The following OGFOD3 variants were observed in gnomAD, a reference collection of about 807,000 sequenced individuals.
The protein encoded by OGFOD3 is 2-oxoglutarate and iron-dependent oxygenase domain-containing protein 3.
A neutral mutation model predicts 39.8 loss-of-function variants in OGFOD3; 35 were observed. The ratio of observed to expected loss-of-function variants is 0.88; its 90% CI spans 0.67 to 1.17. The LOEUF is 1.17. OGFOD3 is among the 50% of genes most tolerant of loss of function. The pLI, the probability that OGFOD3 is intolerant of heterozygous loss-of-function variation, is 0.00. For missense variants in OGFOD3, 438 were observed against 454.5 expected (o/e 0.96, Z 0.33); for synonymous variants, 200 against 192.0 (o/e 1.04, Z -0.34).
Position 82,398,312 on chromosome 17 carries a change from T to C in OGFOD3, c.707A>G (p.Tyr236Cys), listed in dbSNP as rs981113452. Residue 236 changes from tyrosine to cysteine, a missense_variant, in exon 8 of 9, where the codon TAC becomes TGC. Tyr to Cys is a radical substitution (Grantham distance 194). Coordinates refer to ENST00000313056, the MANE Select transcript of OGFOD3 (RefSeq NM_024648.3). ...CAGCGAGGTGTAGTCGAAGGAGCCGTAGGTCACCTGAGGGCAGAGCCGGGA... is the reference window on the plus strand; with the variant it reads ...CAGCGAGGTGTAGTCGAAGGAGCCGCAGGTCACCTGAGGGCAGAGCCGGGA... ...YWHAHVDKVT[Y>C]GSFDYTSLLY... 6.2e-7 allele frequency: 1 copy of C among 1,613,842 alleles called. No homozygotes were observed. The highest frequency in any genetic ancestry group is 1.3e-5 in the African/African-American group (1 of 74,880).
In OGFOD3 at chr17:82,404,047, C is replaced by CA. The variant is rs554759882; in HGVS notation, c.588dup (p.Gly197TrpfsTer160). 7 of 1,609,268 alleles carry CA rather than the reference C, an allele frequency of 4.3e-6. No individual in the cohort carries two copies. The highest frequency in any genetic ancestry group is 5.9e-6 in the Non-Finnish European group (7 of 1,177,976). ...AGATGCAGCGAGGATGCGCTGATGC[C>CA]AAAAGCCTCAGCAATGGTGAGCTGG... is the stretch of plus-strand genomic sequence containing the variant. On this transcript the variant is annotated frameshift_variant, in exon 7 of 9. Transcript: ENST00000313056. LOFTEE classifies it high-confidence loss of function. The surrounding 1 kb of genome is among the most constrained non-coding windows in gnomAD (Gnocchi z 4.5).
Position 82,406,309 on chromosome 17 carries a change from G to T in OGFOD3, c.488+109C>A. On this transcript the variant is annotated intron_variant, in intron 5 of 8. Transcript: ENST00000313056. This position sits in a 1 kb window ranked among gnomAD's most constrained non-coding sequence, Gnocchi z 5.2. ...CACTGAGGCCCTGAGGCTGCACCGA[G>T]CCGGATCCTCCCTCACATGTCCACG... 2.9e-6 allele frequency: 3 copies of T among 1,025,014 alleles called. No individual in the cohort carries two copies. Among genetic ancestry groups the T allele is most frequent in the Non-Finnish European group, 3.0e-6 (2 of 662,510 alleles). The allele number at this position is 1,025,014 out of a possible 1,614,324, so 63.5% of individuals were successfully genotyped here.
Position 82,415,299 on chromosome 17 carries a change from C to G in OGFOD3, c.304+99G>C, listed in dbSNP as rs2053013490. The stretch of plus-strand genomic sequence containing the variant: ...GAGGGGAGAGGTTGTCTGCTACCCC[C>G]AAGCATACCACATCCAACCCAATTC... On this transcript the variant is annotated intron_variant, in intron 2 of 8. Transcript: ENST00000313056. This position sits in a 1 kb window ranked among gnomAD's most constrained non-coding sequence, Gnocchi z 5.3. 4 of 1,229,490 alleles carry G rather than the reference C, an allele frequency of 3.3e-6. No individual in the cohort carries two copies. Among genetic ancestry groups the G allele is most frequent in the Non-Finnish European group, 4.7e-6 (4 of 854,820 alleles). The allele number at this position is 1,229,490 out of a possible 1,614,324, so 76.2% of individuals were successfully genotyped here. A position where few individuals can be genotyped will look rare whatever the true frequency, so the allele number is the denominator to read the frequency against.
intron 2 of OGFOD3, among the ~76,000 whole-genome samples, chr17:82,414,392 C>T (rs1167922196): frequency 2.0e-5 from 3 of 152,222 alleles, no homozygotes; most frequent in Non-Finnish European, 4.4e-5. Context: ...CCTGCCTGGG[C>T]CTCCCAAAGT....
rs751241169 is a variant in OGFOD3, at chr17:82,398,225, C to T, written c.794G>A (p.Gly265Asp). The change falls in exon 8 of 9, where the codon GGT (glycine) becomes GAT (aspartate). Residue 265 changes from glycine (G) to aspartate (D), a missense_variant. Coordinates refer to ENST00000313056, the MANE Select transcript of OGFOD3 (RefSeq NM_024648.3). ...TCTCGGCTCCACCGTCTTGTTGGCA[C>T]CCTCCTCCATGAACATGAACCGCCC... is the stretch of plus-strand genomic sequence containing the variant. ...GGGRFMFMEE[G>D]ANKTVEPRAG... 2 of 1,614,008 alleles carry T rather than the reference C, an allele frequency of 1.2e-6. No homozygotes were observed. The highest frequency in any genetic ancestry group is 1.3e-5 in the African/African-American group (1 of 74,918).
At chr17:82,417,576 G>A (rs1356876142) in intron 1 of OGFOD3, among the ~76,000 whole-genome samples, 3 of 142,508 alleles carry the variant, frequency 2.1e-5, no homozygotes, top group African/African-American at 5.3e-5. Context: ...CCGAGATTGC[G>A]CCACTGCACT....
At chr17:82,395,608 T>G (rs564110169) in intron 8 of OGFOD3, among the ~76,000 whole-genome samples, 2 of 151,942 alleles carry the variant, frequency 1.3e-5, no homozygotes, top group African/African-American at 4.8e-5. Context: ...GATCACGAGG[T>G]CAGGAGATTG....
chr17:82,390,071 C>A lies in OGFOD3; in HGVS notation c.*2327G>T, dbSNP rs1315436573. On this transcript the variant is annotated 3_prime_UTR_variant, in exon 9 of 9. Coordinates refer to ENST00000313056, the MANE Select transcript of OGFOD3 (RefSeq NM_024648.3). This position sits in a 1 kb window ranked among gnomAD's most constrained non-coding sequence, Gnocchi z 4.9. ...CTTTTGCCCAAATATATTTCTTTGT[C>A]CAAGTATCTCTGTGATTATCATGAA... is the stretch of plus-strand genomic sequence containing the variant. 7 of 152,044 alleles carry A rather than the reference C, an allele frequency of 4.6e-5. No individual in the cohort carries two copies. The highest frequency in any genetic ancestry group is 7.4e-5 in the Non-Finnish European group (5 of 68,004). 9.4% of individuals were successfully genotyped at this position (152,044 alleles called of 1,614,324 possible).
At chr17:82,393,939 A>C (rs1381480593) in intron 8 of OGFOD3, 1 of 152,016 alleles carries the variant, frequency 6.6e-6, no homozygotes, top group Non-Finnish European at 1.5e-5. Flanking sequence ...CACCATCCAC[A>C]CTACTGAAGG....
intron 7 of OGFOD3, among the ~76,000 whole-genome samples, chr17:82,401,803 C>CAAAAAAAAAAAAAAAAAACA (rs2052768672): frequency 6.5e-5 from 4 of 61,724 alleles, no homozygotes; most frequent in African/African-American, 3.3e-4. Context: ...GACTCCATCT[C>CAAAAAAAAAAAAAAAAAACA]AAAAAAAAAA....
rs1309120412 is a variant in OGFOD3, at chr17:82,415,619, T to C, written c.83A>G (p.Lys28Arg). 1.9e-6 allele frequency: 3 copies of C among 1,610,600 alleles called. No individual in the cohort carries two copies. The highest frequency in any genetic ancestry group is 2.5e-6 in the Non-Finnish European group (3 of 1,178,048). The change falls in exon 2 of 9, where the codon AAG becomes AGG. Residue 28 changes from lysine (K) to arginine (R), a missense_variant. Transcript: ENST00000313056. This position sits in a 1 kb window ranked among gnomAD's most constrained non-coding sequence, Gnocchi z 5.3. The part of the protein sequence containing the change: ...AERRNRSSTK[K>R]DRAPREVQRL... ...CTGCACCTCCCGCGGGGCTCGGTCCTTCTTGGTGCTGAGAACAGAAAACAG... is the reference window on the plus strand; with the variant it reads ...CTGCACCTCCCGCGGGGCTCGGTCCCTCTTGGTGCTGAGAACAGAAAACAG...
At position 82,404,241 on chromosome 17, in the gene OGFOD3, G is replaced by A; in HGVS notation, c.546-151C>T. On this transcript the variant is annotated intron_variant, in intron 6 of 8. Coordinates refer to ENST00000313056, the MANE Select transcript of OGFOD3 (RefSeq NM_024648.3). This position sits in a 1 kb window ranked among gnomAD's most constrained non-coding sequence, Gnocchi z 4.5. Reference sequence around the variant, plus strand: ...CCAAGCACACCGGGAACAGATACCGGCTCCGCCTGGGAACGACGCGGCCCA... The same window carrying A: ...CCAAGCACACCGGGAACAGATACCGACTCCGCCTGGGAACGACGCGGCCCA... The A allele has an allele frequency of 2.3e-6, 2 of 885,236 alleles. No individual in the cohort carries two copies. Among genetic ancestry groups the A allele is most frequent in the Non-Finnish European group, 3.3e-6 (2 of 599,182 alleles). The allele number at this position is 885,236 out of a possible 1,614,324, so 54.8% of individuals were successfully genotyped here. A position where few individuals can be genotyped will look rare whatever the true frequency, so the allele number is the denominator to read the frequency against.
intron 7 of OGFOD3, among the ~76,000 whole-genome samples, chr17:82,401,548 A>G (rs1464701883): frequency 6.6e-6 from 1 of 151,874 alleles, no homozygotes; most frequent in Non-Finnish European, 1.5e-5. Context: ...CTGAAACTGC[A>G]CAGAGTGCAC....
chr17:82,395,533 G>A (rs2052657656), intron 8 of OGFOD3, among the ~76,000 whole-genome samples: 1 of 152,118 alleles, frequency 6.6e-6, no homozygotes, highest in African/African-American at 2.4e-5. Flanking sequence ...GGTAAGAACT[G>A]CGACACGGCC....
intron 4 of OGFOD3, among the ~76,000 whole-genome samples, chr17:82,408,243 CAA>C (rs1382795913): frequency 5.9e-5 from 9 of 152,208 alleles, no homozygotes; most frequent in South Asian, 2.1e-4. Flanking sequence ...TTGAAATTCT[CAA>C]AGAGTCTATA....
chr17:82,408,335 A>G lies in OGFOD3; in HGVS notation c.423+1033T>C. On this transcript the variant is annotated intron_variant, in intron 4 of 8. Coordinates refer to ENST00000313056, the MANE Select transcript of OGFOD3 (RefSeq NM_024648.3). Reference sequence around the variant, plus strand: ...TTATAATTCAAAGCGATCACCAAATAAACAGAGAGAAACAGATCTTCAGAC... The same window carrying G: ...TTATAATTCAAAGCGATCACCAAATGAACAGAGAGAAACAGATCTTCAGAC... Among the ~76,000 whole-genome samples the G allele has an allele frequency of 2.6e-5, 4 of 152,344 alleles. 1 individual carries two copies. In the South Asian group the frequency reaches 8.3e-4, roughly 32 times the overall value.
intron 3 of OGFOD3, among the ~76,000 whole-genome samples, chr17:82,410,560 G>A (rs1455193512): frequency 6.6e-6 from 1 of 152,152 alleles, no homozygotes; most frequent in Non-Finnish European, 1.5e-5. Flanking sequence ...GGGAGCATGG[G>A]GCACTCAGCA....
At chr17:82,399,439 G>T (rs1240168046) in intron 7 of OGFOD3, among the ~76,000 whole-genome samples, 2 of 152,208 alleles carry the variant, frequency 1.3e-5, no homozygotes, top group South Asian at 4.1e-4. Flanking sequence ...GCAATCCCAA[G>T]CTTTTTAAAA....
At chr17:82,409,446 G>T (rs1209804526) in intron 3 of OGFOD3, 36 bp from the exon 4 acceptor site, 1 of 1,604,190 alleles carries the variant, frequency 6.2e-7, no homozygotes, top group South Asian at 1.1e-5. Flanking sequence ...TTCGTTGCTA[G>T]AATTGTCTAT....
Sources: gnomAD v4.1 joint callset for allele counts (sites outside exome capture counted in the v4.1 genomes callset) on GRCh38, gnomAD v4.1.1 for gene constraint, Gnocchi (gnomAD v3.1) non-coding constraint, MANE v1.5 for transcripts, NCBI Gene and HGNC (gene_info 2026-07-23, HGNC 2026-07-21) for gene names.